Variants in CCDC149 observed in about 807,000 individuals in gnomAD.
The protein encoded by CCDC149 is coiled-coil domain-containing protein 149.
CCDC149 carries 45 observed loss-of-function variants against 59.9 expected under a neutral mutation model. The observed-to-expected ratio is 0.75, with a 90% CI of 0.59 to 0.96. The LOEUF (loss-of-function observed/expected upper bound fraction) is 0.96, where lower values mean the gene tolerates loss of function less well. CCDC149 is among the 40% of genes least tolerant of loss of function. The probability of loss-of-function intolerance (pLI) is 0.00; values close to 1 mark genes in which losing one functional copy is unlikely to be tolerated. For synonymous variants in CCDC149, 245 were observed against 260.6 expected (o/e 0.94, Z 0.58); for missense variants, 584 against 664.7 (o/e 0.88, Z 1.33).
intron 8 of CCDC149, 64 bp from the exon 9 acceptor site, chr4:24,831,714 A>G (rs1277348790): frequency 1.9e-5 from 28 of 1,450,286 alleles, no homozygotes; most frequent in Non-Finnish European, 2.4e-5. Flanking sequence ...ATGCAAACCA[A>G]TGTCAATCCT....
At chr4:24,970,200 A>T (rs1723917727) in intron 1 of CCDC149, among the ~76,000 whole-genome samples, 1 of 152,192 alleles carries the variant, frequency 6.6e-6, no homozygotes, top group Non-Finnish European at 1.5e-5. Context: ...AACATGCTCC[A>T]ACTGCATTGT....
Position 24,837,531 on chromosome 4 carries a change from A to G in CCDC149, c.490-131T>C. 1 of 738,402 alleles carries G rather than the reference A, an allele frequency of 1.4e-6. No individual in the cohort carries two copies. Among genetic ancestry groups the G allele is most frequent in the South Asian group, 1.9e-5 (1 of 53,466 alleles). 45.7% of individuals were successfully genotyped at this position (738,402 alleles called of 1,614,324 possible). The stretch of plus-strand genomic sequence containing the variant: ...AACACTACCCGCATGCCCTAAAGCC[A>G]TAAGCGCCACACACTGAAATACAAT... On this transcript the variant is annotated intron_variant, in intron 5 of 12. Transcript: ENST00000635206. This position sits in a 1 kb window ranked among gnomAD's most constrained non-coding sequence, Gnocchi z 4.3.
At chr4:24,842,449 A>C (rs1215823955) in intron 4 of CCDC149, among the ~76,000 whole-genome samples, 1 of 152,124 alleles carries the variant, frequency 6.6e-6, no homozygotes, top group Non-Finnish European at 1.5e-5. Context: ...ACCGCTCAGG[A>C]CACTTAATTT....
Position 24,906,364 on chromosome 4 carries a change from A to AATTTTATTTTATTTTTATTTTATTT in CCDC149, c.63+6452_63+6453insAAATAAAATAAAAATAAAATAAAAT, listed in dbSNP as rs879714006. Among the ~76,000 whole-genome samples the AATTTTATTTTATTTTTATTTTATTT allele has an allele frequency of 6.6e-3, 277 of 42,018 alleles. 45 individuals carry two copies. The highest frequency in any genetic ancestry group is 0.014 in the Admixed American group (63 of 4,530). The allele number at this position is 42,018 out of a possible 152,430, so 27.6% of individuals were successfully genotyped here. A position where few individuals can be genotyped will look rare whatever the true frequency, so the allele number is the denominator to read the frequency against. ...AGAGTAACTCAGGGGCAGCGGAACA[A>AATTTTATTTTATTTTTATTTTATTT]ATTTTATTTTATTTTATTTTATTTT... On this transcript the variant is annotated intron_variant, in intron 1 of 12. Transcript: ENST00000635206.
At chr4:24,843,583 C>A (rs1717072277) in intron 4 of CCDC149, among the ~76,000 whole-genome samples, 1 of 152,168 alleles carries the variant, frequency 6.6e-6, no homozygotes. Flanking sequence ...ATATGACATT[C>A]CAGTTTTAGT....
chr4:24,842,546 G>A (rs1418363278), intron 4 of CCDC149, among the ~76,000 whole-genome samples: 3 of 152,190 alleles, frequency 2.0e-5, no homozygotes, highest in South Asian at 2.1e-4. Flanking sequence ...CACCCGCGCC[G>A]CCACCAATAG....
chr4:24,835,325 A>T (rs1716446786), intron 7 of CCDC149, among the ~76,000 whole-genome samples: 1 of 152,258 alleles, frequency 6.6e-6, no homozygotes, highest in Admixed American at 6.5e-5. Flanking sequence ...CTGAAACAAG[A>T]ATGCAGCCTA....
chr4:24,898,219 G>C (rs1478896955), intron 1 of CCDC149, among the ~76,000 whole-genome samples: 2 of 152,188 alleles, frequency 1.3e-5, no homozygotes, highest in Admixed American at 6.5e-5. Context: ...CACCTGGAGA[G>C]GGTTGGGGGA....
intron 2 of CCDC149, among the ~76,000 whole-genome samples, chr4:24,876,308 C>T (rs980662473): frequency 6.7e-6 from 1 of 148,196 alleles, no homozygotes; most frequent in East Asian, 1.9e-4. Flanking sequence ...CACACACACA[C>T]ACACACACAC....
At chr4:24,881,840 C>T (rs1471244395) in intron 1 of CCDC149, among the ~76,000 whole-genome samples, 1 of 152,172 alleles carries the variant, frequency 6.6e-6, no homozygotes, top group African/African-American at 2.4e-5. Flanking sequence ...ACTGTGCTAT[C>T]ATCTGCATTT....
At chr4:24,866,812 C>T (rs1718724150) in intron 3 of CCDC149, among the ~76,000 whole-genome samples, 1 of 80,614 alleles carries the variant, frequency 1.2e-5, no homozygotes, top group African/African-American at 5.1e-5. Context: ...AAAATATACA[C>T]ACACACACAC....
At chr4:24,944,611 G>A (rs1723052294) in intron 1 of CCDC149, among the ~76,000 whole-genome samples, 1 of 151,822 alleles carries the variant, frequency 6.6e-6, no homozygotes, top group African/African-American at 2.4e-5. Context: ...GGAGGCAAGG[G>A]GAGGGAGAGC....
At chr4:24,960,439 C>T (rs1723606881) in intron 1 of CCDC149, among the ~76,000 whole-genome samples, 1 of 152,040 alleles carries the variant, frequency 6.6e-6, no homozygotes, top group Non-Finnish European at 1.5e-5. Context: ...TGCAAATGTT[C>T]TATATATCCC....
At chr4:24,856,185 T>C (rs1319957583) in intron 3 of CCDC149, among the ~76,000 whole-genome samples, 1 of 152,168 alleles carries the variant, frequency 6.6e-6, no homozygotes, top group Non-Finnish European at 1.5e-5. Flanking sequence ...GCTGACTCCT[T>C]TGCAATCCTG....
At chr4:24,853,395 A>G in intron 3 of CCDC149, 1 of 535,818 alleles carries the variant, frequency 1.9e-6, no homozygotes, top group South Asian at 2.4e-5. Flanking sequence ...ATTTGGAGAT[A>G]TTCTTTGTTT....
At chr4:24,921,753 C>G (rs1427773986) in intron 1 of CCDC149, among the ~76,000 whole-genome samples, 5 of 152,182 alleles carry the variant, frequency 3.3e-5, no homozygotes, top group Non-Finnish European at 7.3e-5. Flanking sequence ...GAAAAGAAAG[C>G]TGAGGAGTTT....
chr4:24,896,257 G>A (rs1329676709), intron 1 of CCDC149, among the ~76,000 whole-genome samples: 1 of 152,214 alleles, frequency 6.6e-6, no homozygotes. Context: ...AGCTTGTTAT[G>A]AGGGTTCCAT....
At chr4:24,873,605 C>T (rs375104402) in intron 3 of CCDC149, 76 bp downstream of exon 3, 29 of 979,604 alleles carry the variant, frequency 3.0e-5, no homozygotes, top group South Asian at 2.0e-4. Flanking sequence ...AAGTTCTCTA[C>T]ATTTTGAGAT....
At chr4:24,890,386 A>C (rs763156295) in intron 1 of CCDC149, among the ~76,000 whole-genome samples, 34 of 152,192 alleles carry the variant, frequency 2.2e-4, no homozygotes, top group Non-Finnish European at 4.4e-4. Flanking sequence ...AGCTTGTAAG[A>C]GGCAAAGGTG....
Sources: allele counts gnomAD v4.1 joint callset (sites outside exome capture counted in the v4.1 genomes callset), GRCh38; gene constraint gnomAD v4.1.1; non-coding constraint Gnocchi (gnomAD v3.1); transcripts MANE v1.5; gene names NCBI Gene and HGNC (gene_info 2026-07-23, HGNC 2026-07-21).